CHCHD6: variants seen among roughly 807,000 people sequenced by gnomAD.
The protein encoded by CHCHD6 is MICOS complex subunit MIC25.
A neutral mutation model predicts 32.3 loss-of-function variants in CHCHD6; 28 were observed. The observed-to-expected ratio is 0.87, with a 90% CI of 0.64 to 1.19. The LOEUF (loss-of-function observed/expected upper bound fraction) is 1.19. Ranked by LOEUF, CHCHD6 falls within the 50% of genes most tolerant of loss-of-function variation. The pLI is 0.00. For synonymous variants in CHCHD6, 122 were observed against 117.5 expected (o/e 1.04, Z -0.25); for missense variants, 333 against 307.0 (o/e 1.08, Z -0.63).
intron 4 of CHCHD6, among the ~76,000 whole-genome samples, chr3:126,780,174 G>T (rs976806236): frequency 1.3e-5 from 2 of 152,196 alleles, no homozygotes; most frequent in Admixed American, 1.3e-4. Context: ...TATCAGGCAC[G>T]TAAGCTTGGG....
chr3:126,766,993 T>C (rs1937397667), intron 4 of CHCHD6: 1 of 875,532 alleles, frequency 1.1e-6, no homozygotes, highest in Non-Finnish European at 1.9e-6. Flanking sequence ...ACAGGCTACG[T>C]CTCACACAGC....
chr3:126,778,267 T>A (rs1937747950), intron 4 of CHCHD6, among the ~76,000 whole-genome samples: 1 of 152,224 alleles, frequency 6.6e-6, no homozygotes, highest in Non-Finnish European at 1.5e-5. Context: ...ATGTTTTTAT[T>A]CCTGTTGGTT....
chr3:126,709,342 G>A (rs1037617932), intron 1 of CHCHD6, among the ~76,000 whole-genome samples: 1 of 152,132 alleles, frequency 6.6e-6, no homozygotes, highest in Non-Finnish European at 1.5e-5. Flanking sequence ...GTATCCTGTT[G>A]TATGTATATA....
chr3:126,786,981 C>A (rs1335623260), intron 4 of CHCHD6, among the ~76,000 whole-genome samples: 1 of 152,130 alleles, frequency 6.6e-6, no homozygotes, highest in African/African-American at 2.4e-5. Flanking sequence ...GTCTTTAATC[C>A]ATCTTGAACT....
chr3:126,755,377 C>G (rs1936912570), intron 4 of CHCHD6, among the ~76,000 whole-genome samples: 1 of 152,204 alleles, frequency 6.6e-6, no homozygotes, highest in African/African-American at 2.4e-5. Flanking sequence ...CGAATGCCCA[C>G]ATCTGCAAGT....
chr3:126,755,838 A>G (rs376347052), intron 4 of CHCHD6, among the ~76,000 whole-genome samples: 59 of 145,966 alleles, frequency 4.0e-4, no homozygotes, highest in East Asian at 2.3e-3. Flanking sequence ...CTGTGTGTGC[A>G]TGTGTGTGTG....
chr3:126,783,292 G>A (rs914953163), intron 4 of CHCHD6, among the ~76,000 whole-genome samples: 2 of 152,144 alleles, frequency 1.3e-5, no homozygotes. Context: ...CATTCATATA[G>A]AAGAAATGTT....
chr3:126,936,456 A>T (rs997712089), intron 6 of CHCHD6, among the ~76,000 whole-genome samples: 1 of 152,210 alleles, frequency 6.6e-6, no homozygotes, highest in African/African-American at 2.4e-5. Flanking sequence ...GATTTCAAAG[A>T]CTTAATACCA....
intron 1 of CHCHD6, among the ~76,000 whole-genome samples, chr3:126,717,211 G>C (rs185481046): frequency 4.1e-4 from 63 of 152,292 alleles, no homozygotes; most frequent in Non-Finnish European, 2.2e-4. Context: ...GATTAGTGAG[G>C]TGGTCTGTGC....
At chr3:126,844,882 T>A (rs1262532419) in intron 4 of CHCHD6, among the ~76,000 whole-genome samples, 1 of 152,012 alleles carries the variant, frequency 6.6e-6, no homozygotes, top group African/African-American at 2.4e-5. Context: ...ATGATAAGGG[T>A]AGCAGAAGTC....
At chr3:126,736,918 G>A (rs747805213) in intron 4 of CHCHD6, among the ~76,000 whole-genome samples, 10 of 152,180 alleles carry the variant, frequency 6.6e-5, no homozygotes, top group Non-Finnish European at 1.0e-4. Flanking sequence ...GAGTAATCAA[G>A]TCCTGGGTGA....
chr3:126,858,653 T>C (rs1448860017), intron 5 of CHCHD6, among the ~76,000 whole-genome samples: 1 of 152,226 alleles, frequency 6.6e-6, no homozygotes, highest in Non-Finnish European at 1.5e-5. Flanking sequence ...CCAGTAGGGA[T>C]AGGCTACTCG....
chr3:126,823,365 G>A (rs1392177526), intron 4 of CHCHD6, among the ~76,000 whole-genome samples: 1 of 152,094 alleles, frequency 6.6e-6, no homozygotes, highest in African/African-American at 2.4e-5. Flanking sequence ...GCAATCTTGA[G>A]TCTTTCAGTT....
chr3:126,718,477 T>G (rs958162913), intron 1 of CHCHD6, among the ~76,000 whole-genome samples: 4 of 152,188 alleles, frequency 2.6e-5, no homozygotes, highest in Admixed American at 1.3e-4. Context: ...CTGGCCAAGG[T>G]CACACAGCTG....
At chr3:126,952,106 A>G (rs1291579885) in intron 6 of CHCHD6, among the ~76,000 whole-genome samples, 3 of 152,208 alleles carry the variant, frequency 2.0e-5, no homozygotes, top group African/African-American at 7.2e-5. Flanking sequence ...TGTTTTAGAA[A>G]TCTGTGGCCT....
At chr3:126,799,520 G>T (rs1938962905) in intron 4 of CHCHD6, among the ~76,000 whole-genome samples, 1 of 152,198 alleles carries the variant, frequency 6.6e-6, no homozygotes, top group Non-Finnish European at 1.5e-5. Context: ...AGGACGTGAA[G>T]AGATGGCCAT....
intron 5 of CHCHD6, among the ~76,000 whole-genome samples, chr3:126,893,673 C>T (rs1209906567): frequency 6.6e-6 from 1 of 152,208 alleles, no homozygotes; most frequent in Non-Finnish European, 1.5e-5. Context: ...CAGGGCTCTA[C>T]CTGGGGAGAA....
At chr3:126,798,496 A>G (rs1178639200) in intron 4 of CHCHD6, among the ~76,000 whole-genome samples, 1 of 152,204 alleles carries the variant, frequency 6.6e-6, no homozygotes, top group Admixed American at 6.5e-5. Flanking sequence ...TTCAGTGGAT[A>G]CGGTTTTCTT....
At chr3:126,769,544 C>G (rs929478401) in intron 4 of CHCHD6, among the ~76,000 whole-genome samples, 1 of 152,114 alleles carries the variant, frequency 6.6e-6, no homozygotes, top group Admixed American at 6.6e-5. Flanking sequence ...CACTCTGTTG[C>G]CCACGCTAGA....
Sources: allele counts gnomAD v4.1 joint callset (sites outside exome capture counted in the v4.1 genomes callset), GRCh38; gene constraint gnomAD v4.1.1; transcripts MANE v1.5; gene names NCBI Gene and HGNC (gene_info 2026-07-23, HGNC 2026-07-21).